GLI3: variants seen among roughly 807,000 people sequenced by gnomAD.
GLI3 encodes the protein GLI family zinc finger 3, also known as transcription activator GLI3.
Under a neutral mutation model 100.8 loss-of-function variants are expected in GLI3, and 20 were observed. The observed-to-expected ratio is 0.20, with a 90% CI of 0.14 to 0.29. The LOEUF (loss-of-function observed/expected upper bound fraction) is 0.29, where lower values mean the gene tolerates loss of function less well. Ranked by LOEUF, GLI3 falls within the 10% of genes least tolerant of loss-of-function variation. The pLI is 1.00. For synonymous variants in GLI3, 938 were observed against 860.5 expected (o/e 1.09, Z -1.58); for missense variants, 2,040 against 2,128.5 (o/e 0.96, Z 0.82).
At chr7:42,241,121 G>T (rs1788920194), upstream of GLI3, among the ~76,000 whole-genome samples, 1 of 152,154 alleles carries the variant, frequency 6.6e-6, no homozygotes, top group Non-Finnish European at 1.5e-5. Flanking sequence ...CCAGAAACAT[G>T]TAGGCATGCT....
At chr7:41,992,567 C>A (rs906405197) in intron 10 of GLI3, among the ~76,000 whole-genome samples, 12 of 152,082 alleles carry the variant, frequency 7.9e-5, no homozygotes, top group African/African-American at 1.7e-4. Context: ...AAAGATTTCA[C>A]AAAGCCCAAT....
At chr7:42,097,554 CA>C (rs1299890695) in intron 3 of GLI3, among the ~76,000 whole-genome samples, 1 of 152,234 alleles carries the variant, frequency 6.6e-6, no homozygotes, top group African/African-American at 2.4e-5. Context: ...CGGGACCCAG[CA>C]GGGGCTCTCG....
Position 42,148,135 on chromosome 7 carries a change from G to GCACA in GLI3, c.367+87_367+90dup, listed in dbSNP as rs34148485. 7.9e-3 allele frequency: 6,850 copies of GCACA among 866,436 alleles called. 11 individuals are homozygous for GCACA. The highest frequency in any genetic ancestry group is 8.5e-3 in the South Asian group (389 of 45,746). The allele number at this position is 866,436 out of a possible 1,614,324, so 53.7% of individuals were successfully genotyped here. A position where few individuals can be genotyped will look rare whatever the true frequency, so the allele number is the denominator to read the frequency against. On this transcript the variant is annotated intron_variant, in intron 3 of 14. Transcript: ENST00000395925. ...TACAAGCCAAAACTTCATAAAGCGC[G>GCACA]CACACACACACACACACACACACAC...
chr7:42,063,836 T>C (rs1174993521), intron 4 of GLI3, among the ~76,000 whole-genome samples: 2 of 152,192 alleles, frequency 1.3e-5, no homozygotes, highest in Non-Finnish European at 2.9e-5. Flanking sequence ...ACAGTAAGTA[T>C]CTGAGCTGAA....
chr7:41,999,981 T>G, intron 10 of GLI3, among the ~76,000 whole-genome samples: 1 of 152,240 alleles, frequency 6.6e-6, no homozygotes, highest in African/African-American at 2.4e-5. Flanking sequence ...GAAGAACCAG[T>G]GGCAATGTCT....
chr7:42,184,420 A>G (rs565062878), intron 2 of GLI3, among the ~76,000 whole-genome samples: 3 of 152,260 alleles, frequency 2.0e-5, no homozygotes, highest in African/African-American at 7.2e-5. Flanking sequence ...CAGAGCACCC[A>G]TTCCACCTGG....
At chr7:42,179,247 A>T (rs740338) in intron 2 of GLI3, among the ~76,000 whole-genome samples, 68,489 of 151,980 alleles carry the variant, frequency 0.45, 16,724 homozygotes, top group African/African-American at 0.65. Context: ...TTGTGAGGCA[A>T]CCCCAGCCAT....
intron 3 of GLI3, among the ~76,000 whole-genome samples, chr7:42,101,837 T>TCCCCCC (rs538820301): frequency 5.0e-5 from 5 of 99,710 alleles, no homozygotes; most frequent in African/African-American, 1.6e-4. Flanking sequence ...CCCTCCACCC[T>TCCCCCC]CTCCCACCCC....
intron 10 of GLI3, among the ~76,000 whole-genome samples, chr7:41,994,390 A>G (rs1788070399): frequency 6.6e-6 from 1 of 152,210 alleles, no homozygotes; most frequent in Non-Finnish European, 1.5e-5. Context: ...ATCATGACTA[A>G]CATGTTTGAA....
chr7:41,964,063 A>C lies in GLI3; in HGVS notation c.*267T>G, dbSNP rs951133903. 2.1e-5 allele frequency: 6 copies of C among 290,006 alleles called. No homozygotes were observed. Among genetic ancestry groups the C allele is most frequent in the Non-Finnish European group, 3.1e-5 (5 of 161,904 alleles). The allele number at this position is 290,006 out of a possible 1,614,324, so 18.0% of individuals were successfully genotyped here. ...TTACTAAAAAGGGGGCGGGGCTTAC[A>C]GTTTTTTTTTTTTTTTTTAAAAAGA... On this transcript the variant is annotated 3_prime_UTR_variant, in exon 15 of 15. Coordinates refer to ENST00000395925, the MANE Select transcript of GLI3 (RefSeq NM_000168.6).
intron 10 of GLI3, among the ~76,000 whole-genome samples, chr7:42,005,636 G>C (rs956574368): frequency 6.6e-6 from 1 of 152,076 alleles, no homozygotes; most frequent in African/African-American, 2.4e-5. Context: ...CGCCTCCCCA[G>C]GTCTCCTGTC....
chr7:42,121,295 G>T (rs1245426705), intron 3 of GLI3, among the ~76,000 whole-genome samples: 1 of 152,208 alleles, frequency 6.6e-6, no homozygotes, highest in South Asian at 2.1e-4. Context: ...TTCTGATTCA[G>T]TAAGACAGAG....
chr7:42,151,708 C>T (rs1786868054), intron 2 of GLI3: 2 of 152,188 alleles, frequency 1.3e-5, no homozygotes. Flanking sequence ...GAAAAAATGA[C>T]TTTAAATACT....
At chr7:42,148,566 G>A (rs1438067011) in intron 2 of GLI3, 98 bp from the exon 3 acceptor site, 26 of 1,151,390 alleles carry the variant, frequency 2.3e-5, no homozygotes, top group African/African-American at 9.1e-5. Context: ...TCCCTCTCCC[G>A]GAAAAGAAGT....
chr7:42,056,619 G>C lies in GLI3; in HGVS notation c.474-7923C>G, dbSNP rs369390944. Among the ~76,000 whole-genome samples the C allele has an allele frequency of 9.2e-5, 14 of 152,198 alleles. No individual in the cohort carries two copies. The East Asian group carries it at 2.5e-3, about 27-fold the overall frequency. On this transcript the variant is annotated intron_variant, in intron 4 of 14. Coordinates refer to ENST00000395925, the MANE Select transcript of GLI3 (RefSeq NM_000168.6). Reference sequence around the variant, plus strand: ...GACAGAGAAGGGAAAAGAAATATTTGTTTTAATGATGAAACATTACTTCAA... The same window carrying C: ...GACAGAGAAGGGAAAAGAAATATTTCTTTTAATGATGAAACATTACTTCAA...
chr7:42,042,374 A>C (rs1029243246), intron 6 of GLI3, among the ~76,000 whole-genome samples: 3 of 152,222 alleles, frequency 2.0e-5, no homozygotes, highest in Admixed American at 2.0e-4. Flanking sequence ...CTGCCTTATT[A>C]AACACAACTC....
chr7:41,994,419 A>G (rs1788070983), intron 10 of GLI3, among the ~76,000 whole-genome samples: 1 of 152,236 alleles, frequency 6.6e-6, no homozygotes. Flanking sequence ...AAAGGGAAGT[A>G]AGGTTGGTCC....
chr7:42,122,225 T>A (rs1328336084), intron 3 of GLI3, among the ~76,000 whole-genome samples: 3 of 137,382 alleles, frequency 2.2e-5, no homozygotes, highest in Admixed American at 1.6e-4. Context: ...AATTTATATT[T>A]TATATATATG....
Position 41,964,623 on chromosome 7 carries a change from C to T in GLI3, c.4450G>A (p.Ala1484Thr), listed in dbSNP as rs1423837015. The T allele has an allele frequency of 3.1e-6, 5 of 1,613,962 alleles. No individual in the cohort carries two copies. Among genetic ancestry groups the T allele is most frequent in the Admixed American group, 3.3e-5 (2 of 60,008 alleles). The change falls in exon 15 of 15, where the codon GCT (alanine) becomes ACT (threonine). Residue 1484 changes from alanine to threonine, a missense_variant. Transcript: ENST00000395925. ...TCCACTGTGCTTGTCACCTGATTAGCACCTGGGGAAAGTAACTCAGAGTTT... is the reference window on the plus strand; with the variant it reads ...TCCACTGTGCTTGTCACCTGATTAGTACCTGGGGAAAGTAACTCAGAGTTT... ...AKNSELLSPG[A>T]NQVTSTVDSL... is the part of the protein sequence containing the mutation.
Sources: gnomAD v4.1 joint callset for allele counts (sites outside exome capture counted in the v4.1 genomes callset) on GRCh38, gnomAD v4.1.1 for gene constraint, MANE v1.5 for transcripts, NCBI Gene and HGNC (gene_info 2026-07-23, HGNC 2026-07-21) for gene names.